Variants in KIF4A observed in about 807,000 individuals in gnomAD.
The protein encoded by KIF4A is chromosome-associated kinesin KIF4A.
In KIF4A, 7 loss-of-function variants were observed where a neutral mutation model predicts 105.9. The ratio of observed to expected loss-of-function variants is 0.07; its 90% CI spans 0.04 to 0.12. The LOEUF (loss-of-function observed/expected upper bound fraction) is 0.12. Among genes scored for constraint, KIF4A ranks in the 10% least tolerant of loss-of-function variants. The pLI, the probability that KIF4A is intolerant of heterozygous loss-of-function variation, is 1.00. For missense variants in KIF4A, 558 were observed against 929.2 expected (o/e 0.60, Z 5.19); for synonymous variants, 281 against 331.3 (o/e 0.85, Z 1.65).
chrX:70,359,845 A>G (rs1351404171), intron 15 of KIF4A, among the ~76,000 whole-genome samples: 1 of 111,380 alleles, frequency 9.0e-6, no homozygotes, highest in Non-Finnish European at 1.9e-5. Flanking sequence ...AATTGGGCAG[A>G]AGCACTGGGA....
chrX:70,293,298 T>C (rs1005066296), intron 3 of KIF4A, among the ~76,000 whole-genome samples: 8 of 112,651 alleles, frequency 7.1e-5, no homozygotes, highest in Admixed American at 3.7e-4. Context: ...GATAACAGCT[T>C]TGACATAAAT....
intron 7 of KIF4A, among the ~76,000 whole-genome samples, chrX:70,312,140 CTTTTTTTTTTT>C (rs527848699): frequency 2.6e-5 from 2 of 78,087 alleles, no homozygotes; most frequent in African/African-American, 4.9e-5. Context: ...TTTTAAATGT[CTTTTTTTTTTT>C]TTTTTTTTTT....
intron 7 of KIF4A, among the ~76,000 whole-genome samples, chrX:70,321,898 C>G (rs1748972268): frequency 1.8e-5 from 2 of 110,924 alleles, no homozygotes; most frequent in African/African-American, 6.6e-5. Context: ...CATCCTGCCC[C>G]TTCTTCTGGA....
At chrX:70,302,437 C>A in intron 7 of KIF4A, 39 bp downstream of exon 7, 1 of 1,137,712 alleles carries the variant, frequency 8.8e-7, no homozygotes, top group Non-Finnish European at 1.2e-6. Flanking sequence ...AGATTAAAAA[C>A]TTCTAGTACT....
At chrX:70,313,388 T>G (rs2085857714) in intron 7 of KIF4A, among the ~76,000 whole-genome samples, 1 of 112,170 alleles carries the variant, frequency 8.9e-6, no homozygotes, top group Admixed American at 9.5e-5. Context: ...TGATGGTCTC[T>G]CTTTTTAATT....
At chrX:70,351,142 C>T (rs56724630) in intron 13 of KIF4A, among the ~76,000 whole-genome samples, 1 of 111,962 alleles carries the variant, frequency 8.9e-6, no homozygotes, top group Non-Finnish European at 1.9e-5. Context: ...TTCTTTTTTT[C>T]CCTTTTTTCT....
At chrX:70,407,165 T>C in intron 28 of KIF4A, 90 bp downstream of exon 28, 1 of 993,264 alleles carries the variant, frequency 1.0e-6, no homozygotes, top group Non-Finnish European at 1.4e-6. Context: ...TGGAGTACAG[T>C]GGTGCATTCT....
Position 70,384,313 on chromosome X carries a change from C to T in KIF4A, c.2035-2305C>T, listed in dbSNP as rs181776111. ...GGAAGTAGGGCAACAAAAAGTACCG[C>T]GGGCTTTTCAGTGACTGTAAAGTCA... On this transcript the variant is annotated intron_variant, in intron 18 of 30. Coordinates refer to ENST00000374403, the MANE Select transcript of KIF4A (RefSeq NM_012310.5). 1.9e-3 allele frequency among the ~76,000 whole-genome samples: 207 copies of T among 111,517 alleles called. 1 individual carries two copies. Among genetic ancestry groups the T allele is most frequent in the African/African-American group, 6.0e-3 (184 of 30,705 alleles).
At chrX:70,367,597 G>T (rs2086110173) in intron 15 of KIF4A, among the ~76,000 whole-genome samples, 1 of 112,204 alleles carries the variant, frequency 8.9e-6, no homozygotes, top group Admixed American at 9.5e-5. Context: ...CTTCTGGCTT[G>T]TAGAATTTCT....
At chrX:70,404,135 C>T in intron 24 of KIF4A, 101 bp downstream of exon 24, 3 of 958,925 alleles carry the variant, frequency 3.1e-6, no homozygotes, top group Non-Finnish European at 4.3e-6. Flanking sequence ...TTTCAAAAGT[C>T]CACGTGGCCT....
intron 8 of KIF4A, among the ~76,000 whole-genome samples, chrX:70,329,920 T>G (rs1285653623): frequency 9.0e-6 from 1 of 111,695 alleles, no homozygotes; most frequent in Non-Finnish European, 1.9e-5. Flanking sequence ...TTAACCTGAT[T>G]AACTGCTGAA....
At chrX:70,334,708 T>C (rs1226947316) in intron 10 of KIF4A, among the ~76,000 whole-genome samples, 1 of 112,150 alleles carries the variant, frequency 8.9e-6, no homozygotes, top group Non-Finnish European at 1.9e-5. Context: ...TAAATCTTAG[T>C]TACTTTTGTT....
intron 5 of KIF4A, 113 bp downstream of exon 5, chrX:70,299,315 A>G (rs1469507798): frequency 1.8e-6 from 1 of 558,874 alleles, no homozygotes; most frequent in African/African-American, 2.3e-5. Flanking sequence ...CATCTCAGTC[A>G]GGTTTTCTGT....
chrX:70,372,089 G>A (rs1357031822), intron 15 of KIF4A, among the ~76,000 whole-genome samples: 3 of 105,985 alleles, frequency 2.8e-5, no homozygotes, highest in Non-Finnish European at 5.9e-5. Flanking sequence ...ATGGGATGGC[G>A]GCCGGGAAGA....
At chrX:70,319,831 G>A (rs2085883913) in intron 7 of KIF4A, among the ~76,000 whole-genome samples, 1 of 111,568 alleles carries the variant, frequency 9.0e-6, no homozygotes, top group South Asian at 3.8e-4. Flanking sequence ...AAAATAAAAT[G>A]TGTTCTTTAA....
chrX:70,306,842 CTT>C (rs1253944613), intron 7 of KIF4A, among the ~76,000 whole-genome samples: 10 of 100,143 alleles, frequency 1.0e-4, no homozygotes, highest in Admixed American at 1.1e-4. Context: ...TGCCCGGCCT[CTT>C]TTTTTTTTTT....
intron 7 of KIF4A, among the ~76,000 whole-genome samples, chrX:70,321,661 C>G (rs1388669246): frequency 8.9e-6 from 1 of 111,736 alleles, no homozygotes; most frequent in Non-Finnish European, 1.9e-5. Context: ...GACTTTCTGC[C>G]CTCAGCATAG....
Position 70,393,858 on chromosome X carries a change from TTTCTTTCTTTC to T in KIF4A, c.2233-1810_2233-1800del, listed in dbSNP as rs1326414239. Among the ~76,000 whole-genome samples, 7 of 7,728 alleles carry T rather than the reference TTTCTTTCTTTC, an allele frequency of 9.1e-4. 1 individual carries two copies. Among genetic ancestry groups the T allele is most frequent in the Non-Finnish European group, 6.2e-3 (7 of 1,123 alleles). 6.7% of individuals were successfully genotyped at this position (7,728 alleles called of 115,157 possible). ...CTTTCTTTCTTTCTTTCTTTCTTTC[TTTCTTTCTTTC>T]TTTTTTTTTTTTTTTTGACAAGATC... On this transcript the variant is annotated intron_variant, in intron 20 of 30. Coordinates refer to ENST00000374403, the MANE Select transcript of KIF4A (RefSeq NM_012310.5).
chrX:70,358,842 G>A (rs369715288), intron 15 of KIF4A, among the ~76,000 whole-genome samples: 2 of 112,437 alleles, frequency 1.8e-5, no homozygotes, highest in South Asian at 3.7e-4. Flanking sequence ...AGTTGTATGG[G>A]CCTAGTGGTG....
Sources: allele counts gnomAD v4.1 joint callset (sites outside exome capture counted in the v4.1 genomes callset), GRCh38; gene constraint gnomAD v4.1.1; transcripts MANE v1.5; gene names NCBI Gene and HGNC (gene_info 2026-07-23, HGNC 2026-07-21).